The following COMMD10 variants were observed in gnomAD, a reference collection of about 807,000 sequenced individuals.
COMMD10 encodes COMM domain-containing protein 10.
A neutral mutation model predicts 28.9 loss-of-function variants in COMMD10; 33 were observed. The ratio of observed to expected loss-of-function variants is 1.14; its 90% CI spans 0.87 to 1.53. The LOEUF is 1.53. Ranked by LOEUF, COMMD10 falls within the 40% of genes most tolerant of loss-of-function variation. The pLI is 0.00. For missense variants in COMMD10, 310 were observed against 233.4 expected, an observed-to-expected ratio of 1.33 and a Z score of -2.14; for synonymous variants, 110 against 81.7, an observed-to-expected ratio of 1.35 and a Z score of -1.87.
chr5:116,124,946 G>A (rs558277717), intron 4 of COMMD10, among the ~76,000 whole-genome samples: 1 of 151,962 alleles, frequency 6.6e-6, no homozygotes, highest in African/African-American at 2.4e-5. Flanking sequence ...CCTTTATTTT[G>A]AACCTATGTG....
chr5:116,281,713 G>A (rs1236168728), intron 5 of COMMD10, among the ~76,000 whole-genome samples: 4 of 151,834 alleles, frequency 2.6e-5, no homozygotes, highest in Admixed American at 2.0e-4. Flanking sequence ...AAGCCATCCA[G>A]TTGTATTGCC....
chr5:116,140,835 AC>A (rs1752174360), intron 5 of COMMD10, among the ~76,000 whole-genome samples: 2 of 151,544 alleles, frequency 1.3e-5, no homozygotes. Flanking sequence ...TTGTATATTA[AC>A]CCCTTATCAG....
At chr5:116,145,848 C>G (rs558872718) in intron 5 of COMMD10, among the ~76,000 whole-genome samples, 6 of 151,896 alleles carry the variant, frequency 4.0e-5, no homozygotes, top group Non-Finnish European at 1.5e-5. Flanking sequence ...GTCTTGCTTC[C>G]TCTTCGCCTT....
At chr5:116,165,091 T>A (rs1409863848) in intron 5 of COMMD10, among the ~76,000 whole-genome samples, 1 of 152,188 alleles carries the variant, frequency 6.6e-6, no homozygotes, top group Non-Finnish European at 1.5e-5. Flanking sequence ...TTCTGACATA[T>A]CCTTATGCTG....
chr5:116,190,742 C>G (rs1748342415), intron 5 of COMMD10, among the ~76,000 whole-genome samples: 1 of 152,162 alleles, frequency 6.6e-6, no homozygotes. Flanking sequence ...CAACTAACAA[C>G]TTTAAGCTGA....
rs924145750 is a variant in COMMD10, at chr5:116,278,848, T to C, written c.511-12669T>C. ...TAGAGTGTAATTACTATTTAGCCCA[T>C]ATATTTTCTGAGTAAACAAGACTTA... On this transcript the variant is annotated intron_variant, in intron 5 of 6. Coordinates refer to ENST00000274458, the MANE Select transcript of COMMD10 (RefSeq NM_016144.4). Among the ~76,000 whole-genome samples the C allele has an allele frequency of 2.0e-5, 3 of 151,822 alleles. 1 individual carries two copies. The highest frequency in any genetic ancestry group is 4.9e-5 in the African/African-American group (2 of 41,174).
chr5:116,210,164 G>A (rs1446158846), intron 5 of COMMD10, among the ~76,000 whole-genome samples: 2 of 152,212 alleles, frequency 1.3e-5, no homozygotes, highest in East Asian at 3.9e-4. Context: ...TCACAAGGGT[G>A]GTATCCACCT....
At chr5:116,152,748 A>G (rs906838518) in intron 5 of COMMD10, among the ~76,000 whole-genome samples, 4 of 152,090 alleles carry the variant, frequency 2.6e-5, no homozygotes, top group African/African-American at 9.6e-5. Context: ...TTTCATCCCC[A>G]TTTTCCTTTG....
chr5:116,287,157 G>T (rs1032355872), intron 5 of COMMD10, among the ~76,000 whole-genome samples: 1 of 151,470 alleles, frequency 6.6e-6, no homozygotes, highest in African/African-American at 2.4e-5. Context: ...TAATGTTGAG[G>T]GAAAAAATGG....
intron 4 of COMMD10, among the ~76,000 whole-genome samples, chr5:116,114,253 G>A (rs1405648272): frequency 6.6e-6 from 1 of 152,072 alleles, no homozygotes; most frequent in African/African-American, 2.4e-5. Context: ...ATTATTGGGG[G>A]CTCTGGGTGG....
intron 4 of COMMD10, among the ~76,000 whole-genome samples, chr5:116,125,339 G>A (rs1001080781): frequency 7.2e-5 from 11 of 152,128 alleles, no homozygotes; most frequent in Non-Finnish European, 1.2e-4. Flanking sequence ...GAAATTCTGG[G>A]TTGAAAATTC....
At chr5:116,231,380 A>G (rs920497940) in intron 5 of COMMD10, among the ~76,000 whole-genome samples, 4 of 152,184 alleles carry the variant, frequency 2.6e-5, no homozygotes, top group Admixed American at 2.6e-4. Flanking sequence ...TAATATTAGA[A>G]CAGTTAGCAG....
intron 5 of COMMD10, among the ~76,000 whole-genome samples, chr5:116,164,509 A>G (rs980650665): frequency 6.6e-6 from 1 of 152,166 alleles, no homozygotes; most frequent in Non-Finnish European, 1.5e-5. Context: ...TTTGTTGTCA[A>G]ATGTTCATGC....
At chr5:116,190,481 C>A (rs1748328907) in intron 5 of COMMD10, among the ~76,000 whole-genome samples, 1 of 152,084 alleles carries the variant, frequency 6.6e-6, no homozygotes, top group Non-Finnish European at 1.5e-5. Flanking sequence ...GATAAATACC[C>A]AGCTATTTTA....
intron 4 of COMMD10, among the ~76,000 whole-genome samples, chr5:116,099,964 T>C (rs1247090674): frequency 6.6e-6 from 1 of 152,152 alleles, no homozygotes; most frequent in Non-Finnish European, 1.5e-5. Flanking sequence ...ATATACATAA[T>C]GAGATGTCTT....
At chr5:116,190,991 AC>A (rs1748352085) in intron 5 of COMMD10, among the ~76,000 whole-genome samples, 1 of 152,190 alleles carries the variant, frequency 6.6e-6, no homozygotes, top group African/African-American at 2.4e-5. Flanking sequence ...TCTACATTTT[AC>A]ACCCTGTTGC....
At chr5:116,217,971 T>G in intron 5 of COMMD10, 3 of 833,310 alleles carry the variant, frequency 3.6e-6, no homozygotes, top group Non-Finnish European at 6.1e-6. Flanking sequence ...AAAAATAGTA[T>G]TTCAAACTGT....
At chr5:116,226,820 C>T (rs1424125227) in intron 5 of COMMD10, among the ~76,000 whole-genome samples, 1 of 151,972 alleles carries the variant, frequency 6.6e-6, no homozygotes, top group African/African-American at 2.4e-5. Context: ...TGTGGAATTT[C>T]AAGGATATTC....
At chr5:116,177,833 C>T (rs1747775371) in intron 5 of COMMD10, among the ~76,000 whole-genome samples, 1 of 152,236 alleles carries the variant, frequency 6.6e-6, no homozygotes, top group Admixed American at 6.6e-5. Flanking sequence ...ATGTATCTCT[C>T]ATCCCACTTC....
Sources: gnomAD v4.1 joint callset for allele counts (sites outside exome capture counted in the v4.1 genomes callset) on GRCh38, gnomAD v4.1.1 for gene constraint, MANE v1.5 for transcripts, NCBI Gene and HGNC (gene_info 2026-07-23, HGNC 2026-07-21) for gene names.